Variants in UVSSA observed in about 807,000 individuals in gnomAD.
UVSSA encodes the protein UV-stimulated scaffold protein A.
A neutral mutation model predicts 73.9 loss-of-function variants in UVSSA; 72 were observed. The observed-to-expected ratio is 0.97, with a 90% CI of 0.81 to 1.19. UVSSA has a LOEUF of 1.19. Among genes scored for constraint, UVSSA ranks in the 50% most tolerant of loss-of-function variants. UVSSA has a pLI of 0.00. For missense variants in UVSSA, 1,150 were observed against 965.0 expected, an observed-to-expected ratio of 1.19 and a Z score of -2.54; for synonymous variants, 454 against 391.3, an observed-to-expected ratio of 1.16 and a Z score of -1.89.
At chr4:1,383,600 T>G (rs888873022) in intron 12 of UVSSA, among the ~76,000 whole-genome samples, 166 bp from the exon 13 acceptor site, 3 of 152,154 alleles carry the variant, frequency 2.0e-5, no homozygotes, top group Non-Finnish European at 2.9e-5. Context: ...CAGGGAACCC[T>G]AACCGCTGAG....
intron 8 of UVSSA, among the ~76,000 whole-genome samples, chr4:1,373,415 G>T (rs56261574): frequency 1.3e-5 from 2 of 152,202 alleles, no homozygotes; most frequent in Non-Finnish European, 2.9e-5. Flanking sequence ...GTGCCCACCA[G>T]ATTAAGGGTG....
intron 5 of UVSSA, among the ~76,000 whole-genome samples, chr4:1,353,927 C>T (rs1000760571): frequency 2.0e-5 from 3 of 152,214 alleles, no homozygotes; most frequent in Admixed American, 6.5e-5. Context: ...GTGAGGATTG[C>T]AGAGACATAG....
At chr4:1,376,005 C>T (rs370468795) in intron 9 of UVSSA, 29 bp from the exon 10 acceptor site, 238 of 1,573,708 alleles carry the variant, frequency 1.5e-4, no homozygotes, top group South Asian at 2.0e-4. Context: ...CCAGCAGCAC[C>T]GTCAGGCTGT....
At chr4:1,370,438 G>A (rs1056114971) in intron 8 of UVSSA, among the ~76,000 whole-genome samples, 5 of 152,238 alleles carry the variant, frequency 3.3e-5, no homozygotes, top group African/African-American at 9.6e-5. Flanking sequence ...CTGGAGGTCC[G>A]TCCCCATCAC....
Position 1,386,618 on chromosome 4 carries a change from G to A in UVSSA, c.*657G>A, listed in dbSNP as rs1037808847. On this transcript the variant is annotated 3_prime_UTR_variant, in exon 14 of 14. Transcript: ENST00000389851. Reference sequence around the variant, plus strand: ...GGAGAAGGATACCGAACATCTTCTCGTGGGCTTACTGGCCATTTGTGTATC... The same window carrying A: ...GGAGAAGGATACCGAACATCTTCTCATGGGCTTACTGGCCATTTGTGTATC... The A allele has an allele frequency of 6.6e-6, 1 of 152,306 alleles. No individual in the cohort carries two copies. Among genetic ancestry groups the A allele is most frequent in the African/African-American group, 2.4e-5 (1 of 41,446 alleles). The allele number at this position is 152,306 out of a possible 1,614,324, so 9.4% of individuals were successfully genotyped here.
intron 12 of UVSSA, among the ~76,000 whole-genome samples, chr4:1,383,406 G>T (rs373533429): frequency 6.6e-6 from 1 of 152,082 alleles, no homozygotes; most frequent in African/African-American, 2.4e-5. Flanking sequence ...CCCCCCAACC[G>T]CTGGCCTTAG....
At chr4:1,358,392 G>A (rs1716106540) in intron 7 of UVSSA, 1 of 152,304 alleles carries the variant, frequency 6.6e-6, no homozygotes, top group Non-Finnish European at 1.5e-5. Flanking sequence ...CGGTGGGAAG[G>A]GAGGCGCCAC....
intron 12 of UVSSA, among the ~76,000 whole-genome samples, chr4:1,382,102 C>T (rs562607239): frequency 2.0e-5 from 3 of 152,346 alleles, no homozygotes; most frequent in South Asian, 4.1e-4. Context: ...GTGTCTTGCA[C>T]TCTGGTCATG....
At chr4:1,349,411 G>A in intron 2 of UVSSA, 113 bp from the exon 3 acceptor site, 1 of 997,846 alleles carries the variant, frequency 1.0e-6, no homozygotes, top group Non-Finnish European at 1.4e-6. Context: ...ATGAAGATGG[G>A]AAGGCAGTGG....
intron 7 of UVSSA, among the ~76,000 whole-genome samples, chr4:1,359,915 G>C (rs1429222555): frequency 2.6e-5 from 4 of 152,218 alleles, no homozygotes; most frequent in Admixed American, 2.6e-4. Flanking sequence ...TTTTCCTGCT[G>C]TGCGTGAGGG....
Position 1,376,035 on chromosome 4 carries a change from C to A in UVSSA, c.1435C>A (p.Pro479Thr). 1 of 1,592,950 alleles carries A rather than the reference C, an allele frequency of 6.3e-7. No homozygotes were observed. Among genetic ancestry groups the A allele is most frequent in the Non-Finnish European group, 8.5e-7 (1 of 1,171,090 alleles). Residue 479 changes from proline (P) to threonine (T), a missense_variant and splice_region_variant, in exon 10 of 14, where the codon CCC (proline) becomes ACC (threonine). Physicochemically the swap from Pro to Thr is conservative, Grantham distance 38. Transcript: ENST00000389851. ...GGCTGTCCCACTCTGCTCCTGTAGCCCCTCCAGAGCGTTGCCAGAGCCACA... is the reference window on the plus strand; with the variant it reads ...GGCTGTCCCACTCTGCTCCTGTAGCACCTCCAGAGCGTTGCCAGAGCCACA... Reference protein sequence around the residue: ...DHLPPPSSASPSRALPEPQEA... With the variant: ...DHLPPPSSASTSRALPEPQEA...
chr4:1,346,557 G>C (rs970836625), upstream of UVSSA, among the ~76,000 whole-genome samples: 5 of 152,110 alleles, frequency 3.3e-5, no homozygotes, highest in Admixed American at 6.5e-5. Flanking sequence ...CCTGCTGTGC[G>C]TCTGGCGCCG....
intron 7 of UVSSA, among the ~76,000 whole-genome samples, chr4:1,360,172 T>C (rs1716415488): frequency 6.6e-6 from 1 of 152,254 alleles, no homozygotes; most frequent in East Asian, 1.9e-4. Flanking sequence ...TCCCAAGGGC[T>C]GCCCACGGGG....
chr4:1,375,897 G>A, intron 9 of UVSSA, 137 bp from the exon 10 acceptor site: 1 of 1,363,248 alleles, frequency 7.3e-7, no homozygotes, highest in Non-Finnish European at 9.8e-7. Context: ...CTGAGGCCCA[G>A]GCGTCGTGTG....
rs759906978 is a variant in UVSSA at position 1,376,034 on chromosome 4, C to T, written c.1434C>T (p.Ser478=). 10 of 1,592,466 alleles carry T rather than the reference C, an allele frequency of 6.3e-6. No individual in the cohort carries two copies. In the East Asian group the frequency reaches 2.1e-4, roughly 33 times the overall value. Residue 478 remains serine (S), a splice_region_variant and synonymous_variant, in exon 10 of 14, where the codon AGC becomes AGT. Coordinates refer to ENST00000389851, the MANE Select transcript of UVSSA (RefSeq NM_020894.4). ...AGGCTGTCCCACTCTGCTCCTGTAG[C>T]CCCTCCAGAGCGTTGCCAGAGCCAC... ...RDHLPPPSSA[S]PSRALPEPQE...
intron 4 of UVSSA, among the ~76,000 whole-genome samples, chr4:1,352,392 T>C (rs1181075170): frequency 6.6e-6 from 1 of 152,180 alleles, no homozygotes; most frequent in African/African-American, 2.4e-5. Context: ...CACAGGCCAC[T>C]GGAAACGCAG....
Position 1,385,916 on chromosome 4 carries a change from G to A in UVSSA, c.2085G>A (p.Lys695=). Residue 695 remains lysine, a synonymous_variant, in exon 14 of 14, where the codon AAG becomes AAA. Coordinates refer to ENST00000389851, the MANE Select transcript of UVSSA (RefSeq NM_020894.4). ...VVAAMNRMDQ[K]KHEKFSNQFN... ...CAGCCATGAACCGGATGGACCAGAA[G>A]AAGCACGAGAAGTTTTCAAACCAGT... 1.9e-6 allele frequency: 3 copies of A among 1,614,112 alleles called. No individual in the cohort carries two copies. The highest frequency in any genetic ancestry group is 2.5e-6 in the Non-Finnish European group (3 of 1,180,036).
rs774710991 is a variant in UVSSA, at chr4:1,385,969, G to A, written c.*8G>A. ...AACTACGCACTGAACTAGAGAGCGG[G>A]GCCCAGTGCACTGGCCATCAGCACT... On this transcript the variant is annotated 3_prime_UTR_variant, in exon 14 of 14. Coordinates refer to ENST00000389851, the MANE Select transcript of UVSSA (RefSeq NM_020894.4). The A allele has an allele frequency of 6.2e-7, 1 of 1,613,856 alleles. No individual in the cohort carries two copies.
At chr4:1,375,188 G>A in intron 8 of UVSSA, 176 bp from the exon 9 acceptor site, 2 of 1,032,138 alleles carry the variant, frequency 1.9e-6, no homozygotes, top group South Asian at 3.0e-5. Context: ...CGTGGCCTGA[G>A]CTGCTGCTCC....
Sources: gnomAD v4.1 joint callset for allele counts (sites outside exome capture counted in the v4.1 genomes callset) on GRCh38, gnomAD v4.1.1 for gene constraint, MANE v1.5 for transcripts, NCBI Gene and HGNC (gene_info 2026-07-23, HGNC 2026-07-21) for gene names.